ESR2: variants seen among roughly 807,000 people sequenced by gnomAD.
ESR2 encodes the protein estrogen receptor beta.
In ESR2, 36 loss-of-function variants were observed where a neutral mutation model predicts 49.6. The observed-to-expected ratio is 0.73, with a 90% CI of 0.56 to 0.96. ESR2 has a LOEUF of 0.96. Among genes scored for constraint, ESR2 ranks in the 40% least tolerant of loss-of-function variants. The pLI is 0.00. For missense variants in ESR2, 714 were observed against 693.0 expected (o/e 1.03, Z -0.34); for synonymous variants, 320 against 266.1 (o/e 1.20, Z -1.97).
At chr14:64,275,360 G>A (rs890650744) in intron 3 of ESR2, among the ~76,000 whole-genome samples, 1 of 151,848 alleles carries the variant, frequency 6.6e-6, no homozygotes, top group Non-Finnish European at 1.5e-5. Context: ...TATAGTTTTT[G>A]TCTTGAACTC....
At chr14:64,337,373 C>T (rs2077544305) in intron 1 of ESR2, 1 of 152,192 alleles carries the variant, frequency 6.6e-6, no homozygotes, top group Non-Finnish European at 1.5e-5. Context: ...TATTACAAGA[C>T]ACAAAAGTTT....
At chr14:64,328,378 C>A (rs2077414935) in intron 1 of ESR2, among the ~76,000 whole-genome samples, 1 of 151,848 alleles carries the variant, frequency 6.6e-6, no homozygotes, top group South Asian at 2.1e-4. Context: ...GAAATTGCAC[C>A]ACTGCACTCC....
rs192890457 is a variant in ESR2 at position 64,255,407 on chromosome 14, G to A, written c.1091+1819C>T. 4.5e-4 allele frequency among the ~76,000 whole-genome samples: 69 copies of A among 152,270 alleles called. 1 individual carries two copies. The highest frequency in any genetic ancestry group is 3.5e-4 in the Non-Finnish European group (24 of 68,036). The stretch of plus-strand genomic sequence containing the variant: ...CCTGCCTTGCGACATGGTACCCTGA[G>A]ATGACAGTGGGGAGAGTGGGTTTCT... On this transcript the variant is annotated intron_variant, in intron 6 of 8. Coordinates refer to ENST00000341099, the MANE Select transcript of ESR2 (RefSeq NM_001437.3).
At chr14:64,235,251 C>T in intron 7 of ESR2, 101 bp from the exon 8 acceptor site, 1 of 1,246,756 alleles carries the variant, frequency 8.0e-7, no homozygotes, top group Non-Finnish European at 1.1e-6. Flanking sequence ...ATCTGGGTTG[C>T]TTTGACAGCT....
intron 5 of ESR2, chr14:64,260,120 A>C: frequency 1.9e-6 from 1 of 531,948 alleles, no homozygotes; most frequent in Non-Finnish European, 3.6e-6. Context: ...GGTTTGTGCA[A>C]GGTGGTATGG....
intron 7 of ESR2, among the ~76,000 whole-genome samples, chr14:64,245,396 C>G (rs2075829627): frequency 6.6e-6 from 1 of 151,274 alleles, no homozygotes; most frequent in Non-Finnish European, 1.5e-5. Context: ...CCTGTAATCC[C>G]AGCTACTCAG....
intron 1 of ESR2, among the ~76,000 whole-genome samples, chr14:64,324,164 T>C (rs1453715839): frequency 1.3e-5 from 2 of 152,210 alleles, no homozygotes; most frequent in African/African-American, 2.4e-5. Context: ...TCGAACAACA[T>C]TGTATCAGGT....
intron 1 of ESR2, among the ~76,000 whole-genome samples, chr14:64,334,725 C>A (rs1454164331): frequency 6.6e-6 from 1 of 152,248 alleles, no homozygotes; most frequent in African/African-American, 2.4e-5. Flanking sequence ...CAGCTCACTG[C>A]AACTTCTGCC....
chr14:64,307,200 A>T (rs12880680), intron 1 of ESR2, among the ~76,000 whole-genome samples: 7,068 of 150,850 alleles, frequency 0.047, 244 homozygotes, highest in Admixed American at 0.1. Context: ...AATTTAATTT[A>T]ATTTATTTAT....
At chr14:64,289,098 G>A (rs1596462917) in intron 1 of ESR2, among the ~76,000 whole-genome samples, 1 of 152,024 alleles carries the variant, frequency 6.6e-6, no homozygotes. Flanking sequence ...TGAAAGCCAG[G>A]CAATCTTAGA....
chr14:64,270,492 C>G (rs79621066), intron 3 of ESR2, among the ~76,000 whole-genome samples: 1,661 of 152,190 alleles, frequency 0.011, 13 homozygotes, highest in Non-Finnish European at 0.015. Flanking sequence ...GAATTCTACA[C>G]ATTAGCAAAC....
At chr14:64,274,028 T>G (rs2076504217) in intron 3 of ESR2, among the ~76,000 whole-genome samples, 1 of 151,322 alleles carries the variant, frequency 6.6e-6, no homozygotes, top group Non-Finnish European at 1.5e-5. Context: ...CAGTCTTGAC[T>G]TCCCGGTCCC....
chr14:64,269,025 T>A, intron 3 of ESR2, 114 bp from the exon 4 acceptor site: 1 of 696,268 alleles, frequency 1.4e-6, no homozygotes, highest in East Asian at 2.5e-5. Context: ...GACATCTTCT[T>A]AATGACCAGT....
intron 7 of ESR2, among the ~76,000 whole-genome samples, chr14:64,240,820 G>A (rs913980208): frequency 2.0e-5 from 3 of 152,164 alleles, no homozygotes; most frequent in African/African-American, 7.2e-5. Context: ...CCCAACTGCA[G>A]GGTAATGTAA....
chr14:64,296,391 T>C (rs963223155), upstream of ESR2, among the ~76,000 whole-genome samples: 2 of 152,262 alleles, frequency 1.3e-5, no homozygotes, highest in African/African-American at 4.8e-5. Flanking sequence ...AGCTACCGCT[T>C]ATTGGACATT....
intron 4 of ESR2, among the ~76,000 whole-genome samples, chr14:64,265,943 G>C (rs1267800084): frequency 1.3e-5 from 2 of 152,158 alleles, no homozygotes; most frequent in African/African-American, 4.8e-5. Context: ...TAAGAAGAGT[G>C]ATGGGAAAGG....
chr14:64,292,703 TTA>T (rs1157074955), intron 1 of ESR2, among the ~76,000 whole-genome samples: 2 of 152,196 alleles, frequency 1.3e-5, no homozygotes, highest in African/African-American at 2.4e-5. Context: ...TTTTGAATTA[TTA>T]TGTGTTCAAC....
At chr14:64,320,428 G>T (rs2077311929) in intron 1 of ESR2, among the ~76,000 whole-genome samples, 1 of 152,062 alleles carries the variant, frequency 6.6e-6, no homozygotes, top group South Asian at 2.1e-4. Flanking sequence ...GTTGCCAGAG[G>T]TTTGCAGGAG....
chr14:64,259,373 T>G (rs1310529830), intron 5 of ESR2, among the ~76,000 whole-genome samples: 1 of 152,188 alleles, frequency 6.6e-6, no homozygotes, highest in Non-Finnish European at 1.5e-5. Flanking sequence ...GCTTGCCCAG[T>G]GCAGTCGCTG....
Sources: gnomAD v4.1 joint callset for allele counts (sites outside exome capture counted in the v4.1 genomes callset) on GRCh38, gnomAD v4.1.1 for gene constraint, MANE v1.5 for transcripts, NCBI Gene and HGNC (gene_info 2026-07-23, HGNC 2026-07-21) for gene names.